Variants in ADGRB3 observed in about 807,000 individuals in gnomAD.
ADGRB3 encodes adhesion G protein-coupled receptor B3.
ADGRB3 carries 37 observed loss-of-function variants against 193.4 expected under a neutral mutation model. The observed-to-expected ratio is 0.19, with a 90% CI of 0.15 to 0.25. The LOEUF (loss-of-function observed/expected upper bound fraction) is 0.25, where lower values mean the gene tolerates loss of function less well. ADGRB3 is among the 10% of genes least tolerant of loss of function. The pLI, the probability that ADGRB3 is intolerant of heterozygous loss-of-function variation, is 1.00. For missense variants in ADGRB3, 1,637 were observed against 1,852.9 expected, an observed-to-expected ratio of 0.88 and a Z score of 2.14; for synonymous variants, 690 against 644.2, an observed-to-expected ratio of 1.07 and a Z score of -1.08.
At chr6:69,375,106 A>G (rs1446294461) in intron 30 of ADGRB3, among the ~76,000 whole-genome samples, 6 of 152,142 alleles carry the variant, frequency 3.9e-5, no homozygotes. Context: ...AAAGTGAGTA[A>G]TTTAGAAACC....
chr6:68,695,795 A>G (rs1765146982), intron 3 of ADGRB3, among the ~76,000 whole-genome samples: 1 of 151,678 alleles, frequency 6.6e-6, no homozygotes, highest in South Asian at 2.1e-4. Flanking sequence ...CATACAACAC[A>G]TATAGGGATG....
chr6:69,297,227 A>G (rs566277154), intron 20 of ADGRB3, among the ~76,000 whole-genome samples: 2 of 152,060 alleles, frequency 1.3e-5, no homozygotes, highest in East Asian at 1.9e-4. Flanking sequence ...AATAGAGCCA[A>G]TATATATCAG....
At chr6:69,309,063 G>A (rs1768125387) in intron 20 of ADGRB3, among the ~76,000 whole-genome samples, 1 of 151,658 alleles carries the variant, frequency 6.6e-6, no homozygotes, top group African/African-American at 2.4e-5. Flanking sequence ...CAACAACAGT[G>A]ATTGGTGAAC....
intron 3 of ADGRB3, among the ~76,000 whole-genome samples, chr6:68,706,081 G>A (rs146153554): frequency 1.9e-3 from 287 of 152,320 alleles, no homozygotes; most frequent in Admixed American, 5.3e-3. Flanking sequence ...ATGATGCAAA[G>A]GTTGTCACAG....
rs1051946619 is a variant in ADGRB3 at position 68,863,547 on chromosome 6, C to T, written c.758-67012C>T. Among the ~76,000 whole-genome samples, 16 of 151,726 alleles carry T rather than the reference C, an allele frequency of 1.1e-4. No individual in the cohort carries two copies. The East Asian group carries it at 2.9e-3, about 28-fold the overall frequency. ...TGATATTCAATAAAATTTACAAATCCTTTTTAAATGATATCCAATCAGTTT... is the reference window on the plus strand; with the variant it reads ...TGATATTCAATAAAATTTACAAATCTTTTTTAAATGATATCCAATCAGTTT... On this transcript the variant is annotated intron_variant, in intron 3 of 31. Transcript: ENST00000370598.
chr6:69,251,593 G>A (rs1305887445), intron 20 of ADGRB3, among the ~76,000 whole-genome samples: 1 of 152,080 alleles, frequency 6.6e-6, no homozygotes, highest in Non-Finnish European at 1.5e-5. Context: ...AATCAAGTAG[G>A]ATTGCACCTA....
intron 26 of ADGRB3, among the ~76,000 whole-genome samples, chr6:69,339,852 GAC>G (rs1768939025): frequency 6.6e-6 from 1 of 152,168 alleles, no homozygotes; most frequent in South Asian, 2.1e-4. Context: ...AAGTTTTAAA[GAC>G]ACAGTTCATG....
chr6:68,754,398 C>T (rs1766261098), intron 3 of ADGRB3, among the ~76,000 whole-genome samples: 2 of 152,110 alleles, frequency 1.3e-5, no homozygotes, highest in African/African-American at 2.4e-5. Flanking sequence ...AGAAGATAAA[C>T]TTCCCTCTCT....
chr6:68,747,069 G>C (rs1372319453), intron 3 of ADGRB3, among the ~76,000 whole-genome samples: 1 of 152,078 alleles, frequency 6.6e-6, no homozygotes, highest in African/African-American at 2.4e-5. Flanking sequence ...GAGCCCCTTG[G>C]AAACTAGGAA....
chr6:69,009,760 T>C (rs1273766519), intron 11 of ADGRB3, among the ~76,000 whole-genome samples: 1 of 152,118 alleles, frequency 6.6e-6, no homozygotes, highest in Non-Finnish European at 1.5e-5. Context: ...TAAATCTGAC[T>C]CTTAGGGCTT....
intron 17 of ADGRB3, among the ~76,000 whole-genome samples, chr6:69,206,569 A>G (rs1430309003): frequency 1.3e-5 from 2 of 152,206 alleles, no homozygotes; most frequent in Non-Finnish European, 2.9e-5. Flanking sequence ...TAATACAACT[A>G]TCCTTCGTAC....
intron 3 of ADGRB3, among the ~76,000 whole-genome samples, chr6:68,827,683 T>C (rs999453234): frequency 6.6e-6 from 1 of 152,024 alleles, no homozygotes; most frequent in African/African-American, 2.4e-5. Context: ...GAGGGGGTTC[T>C]ATAGTTGTGG....
chr6:68,637,140 A>C (rs1449937715), intron 1 of ADGRB3, among the ~76,000 whole-genome samples: 1 of 152,146 alleles, frequency 6.6e-6, no homozygotes, highest in Non-Finnish European at 1.5e-5. Context: ...ATGTTATTTT[A>C]AACTGCTGCT....
chr6:69,325,157 G>C, intron 21 of ADGRB3, 135 bp downstream of exon 21: 1 of 1,182,290 alleles, frequency 8.5e-7, no homozygotes. Context: ...ACATGAGCTG[G>C]TCAGTTTTGA....
intron 3 of ADGRB3, among the ~76,000 whole-genome samples, chr6:68,813,203 C>G (rs969644551): frequency 6.6e-6 from 1 of 152,216 alleles, no homozygotes; most frequent in African/African-American, 2.4e-5. Flanking sequence ...TCCTCATTCT[C>G]TCTTGTGGCT....
At chr6:69,087,588 C>G (rs1037304742) in intron 17 of ADGRB3, among the ~76,000 whole-genome samples, 1 of 152,208 alleles carries the variant, frequency 6.6e-6, no homozygotes, top group South Asian at 2.1e-4. Context: ...ATCTGCTAGT[C>G]CCTTGATCTT....
At chr6:68,838,533 A>G (rs1336935381) in intron 3 of ADGRB3, among the ~76,000 whole-genome samples, 1 of 152,170 alleles carries the variant, frequency 6.6e-6, no homozygotes, top group Non-Finnish European at 1.5e-5. Flanking sequence ...ACAAATTCAG[A>G]TTAGATGTCA....
chr6:69,328,243 A>G (rs958208583), intron 22 of ADGRB3, among the ~76,000 whole-genome samples: 12 of 152,152 alleles, frequency 7.9e-5, no homozygotes, highest in Non-Finnish European at 1.8e-4. Context: ...TTCTAATTCC[A>G]TTGATGATAA....
chr6:68,956,786 G>A lies in ADGRB3; in HGVS notation c.1502G>A (p.Arg501Lys), dbSNP rs756788045. 1.2e-6 allele frequency: 2 copies of A among 1,613,710 alleles called. No individual in the cohort carries two copies. Among genetic ancestry groups the A allele is most frequent in the Non-Finnish European group, 1.7e-6 (2 of 1,179,796 alleles). ...GAAGGAACGGGCGAAGAAGTGAGAA[G>A]ATGCAATGAGCAGCGATGCCCTGGT... ...QCEGTGEEVR[R>K]CNEQRCPAPY... The change falls in exon 8 of 32, where the codon AGA becomes AAA. Residue 501 changes from arginine (R) to lysine (K), a missense_variant. Around this residue, in one of 7 missense-constraint regions of ADGRB3, gnomAD observed 641 missense variants for 673.9 expected, o/e 0.95. Transcript: ENST00000370598.
Sources: gnomAD v4.1 joint callset for allele counts (sites outside exome capture counted in the v4.1 genomes callset) on GRCh38, gnomAD v4.1.1 for gene constraint, gnomAD v4.1.1 regional missense constraint, MANE v1.5 for transcripts, NCBI Gene and HGNC (gene_info 2026-07-23, HGNC 2026-07-21) for gene names.